ZNF519: variants seen among roughly 807,000 people sequenced by gnomAD.
ZNF519 encodes the protein zinc finger protein 519, also known as similar to Zinc finger protein 85 (Zinc finger protein HPF4) (HTF1).
A neutral mutation model predicts 7.4 loss-of-function variants in ZNF519; 7 were observed. That is an observed-to-expected ratio of 0.94 (90% CI 0.54 to 1.77). The LOEUF is 1.77. Ranked by LOEUF, ZNF519 falls within the 40% of genes most tolerant of loss-of-function variation. ZNF519 has a pLI of 0.00. For missense variants in ZNF519, 586 were observed against 623.1 expected (o/e 0.94, Z 0.63); for synonymous variants, 179 against 203.3 (o/e 0.88, Z 1.02).
At chr18:14,099,198 G>A (rs948344688), downstream of ZNF519, among the ~76,000 whole-genome samples, 1 of 151,660 alleles carries the variant, frequency 6.6e-6, no homozygotes, top group African/African-American at 2.4e-5. Context: ...AGCCTCCCCC[G>A]ACCTGCCTGG....
At chr18:14,122,871 C>G (rs555047968) in intron 2 of ZNF519, among the ~76,000 whole-genome samples, 45 of 151,666 alleles carry the variant, frequency 3.0e-4, no homozygotes, top group African/African-American at 1.0e-3. Context: ...TGTTGGTGTG[C>G]TGCACCCATT....
chr18:14,082,448 G>A (rs2046074130), intron 3 of ZNF519: 1 of 152,106 alleles, frequency 6.6e-6, no homozygotes, highest in South Asian at 2.1e-4. Context: ...ATAATTATGT[G>A]TAAATGGATT....
downstream of ZNF519, among the ~76,000 whole-genome samples, chr18:14,098,076 G>T (rs1053415593): frequency 1.3e-5 from 2 of 151,568 alleles, no homozygotes; most frequent in African/African-American, 4.9e-5. Flanking sequence ...CAACAGACCT[G>T]ACCCCTATGG....
chr18:14,101,675 C>T lies in ZNF519; in HGVS notation c.*3242G>A, dbSNP rs2143116765. 1 of 398,680 alleles carries T rather than the reference C, an allele frequency of 2.5e-6. No homozygotes were observed. The highest frequency in any genetic ancestry group is 6.3e-4 in the Middle Eastern group (1 of 1,586). The allele number at this position is 398,680 out of a possible 1,614,324, so 24.7% of individuals were successfully genotyped here. ...AGAGACCATCTCTACACCCACACCC[C>T]AATCGAGGCAGGAATGGCCATGACA... On this transcript the variant is annotated 3_prime_UTR_variant, in exon 3 of 3. Coordinates refer to ENST00000590202, the MANE Select transcript of ZNF519 (RefSeq NM_145287.4).
chr18:14,082,549 G>T (rs2046074569), intron 3 of ZNF519: 1 of 152,084 alleles, frequency 6.6e-6, no homozygotes, highest in South Asian at 2.1e-4. Flanking sequence ...AGACTGCTTT[G>T]CTCCTTTCTC....
At position 14,104,872 on chromosome 18, in the gene ZNF519, G is replaced by C; in HGVS notation, c.*45C>G. ...TTTTCTAATGTTGAGTAAGGTGTGA[G>C]CACCAGTTTAGGGTTTTAGCACATT... On this transcript the variant is annotated 3_prime_UTR_variant, in exon 3 of 3. Transcript: ENST00000590202. 1.4e-6 allele frequency: 2 copies of C among 1,477,122 alleles called. No individual in the cohort carries two copies. Among genetic ancestry groups the C allele is most frequent in the Non-Finnish European group, 9.0e-7 (1 of 1,111,514 alleles). 91.5% of individuals were successfully genotyped at this position (1,477,122 alleles called of 1,614,324 possible). A position where few individuals can be genotyped will look rare whatever the true frequency, so the allele number is the denominator to read the frequency against.
intron 3 of ZNF519, among the ~76,000 whole-genome samples, chr18:14,080,765 C>A (rs1457076682): frequency 6.6e-6 from 1 of 152,138 alleles, no homozygotes; most frequent in East Asian, 1.9e-4. Flanking sequence ...ACTGCCAAAG[C>A]TTGGAAGCAG....
At chr18:14,088,941 A>C (rs1315761364) in intron 2 of ZNF519, among the ~76,000 whole-genome samples, 1 of 151,622 alleles carries the variant, frequency 6.6e-6, no homozygotes, top group African/African-American at 2.4e-5. Context: ...TCTATATGTA[A>C]GATATGTTTT....
Position 14,104,769 on chromosome 18 carries a change from A to T in ZNF519, c.*148T>A. ...TAGCACCTTAGTTCTTTCTAAAGTGACACTTCTAATTTTTATTTAATCTTC... is the reference window on the plus strand; with the variant it reads ...TAGCACCTTAGTTCTTTCTAAAGTGTCACTTCTAATTTTTATTTAATCTTC... On this transcript the variant is annotated 3_prime_UTR_variant, in exon 3 of 3. Coordinates refer to ENST00000590202, the MANE Select transcript of ZNF519 (RefSeq NM_145287.4). 8.1e-6 allele frequency: 7 copies of T among 861,396 alleles called. No homozygotes were observed. The highest frequency in any genetic ancestry group is 1.2e-5 in the Non-Finnish European group (7 of 605,786). 53.4% of individuals were successfully genotyped at this position (861,396 alleles called of 1,614,324 possible).
chr18:14,127,748 G>A (rs1239342101), intron 1 of ZNF519, among the ~76,000 whole-genome samples: 1 of 152,040 alleles, frequency 6.6e-6, no homozygotes, highest in Non-Finnish European at 1.5e-5. Context: ...CTTGACTGCT[G>A]TCCTGAAAAG....
At chr18:14,118,635 A>G (rs1210311262) in intron 2 of ZNF519, among the ~76,000 whole-genome samples, 2 of 152,198 alleles carry the variant, frequency 1.3e-5, no homozygotes, top group African/African-American at 4.8e-5. Context: ...TGAAGAGCCC[A>G]TGGACATGGC....
chr18:14,108,536 T>A (rs1474480539), intron 2 of ZNF519, among the ~76,000 whole-genome samples: 1 of 151,612 alleles, frequency 6.6e-6, no homozygotes, highest in Non-Finnish European at 1.5e-5. Flanking sequence ...AAGGAGTAAA[T>A]CTTTATATAA....
chr18:14,118,669 G>A (rs773805429), intron 2 of ZNF519, among the ~76,000 whole-genome samples: 3 of 152,132 alleles, frequency 2.0e-5, no homozygotes, highest in Non-Finnish European at 2.9e-5. Context: ...ATGGCGCACC[G>A]AACTTGGTCT....
In ZNF519 at chr18:14,132,128, G is replaced by T. The variant is rs571270475; in HGVS notation, c.3+147C>A. The T allele has an allele frequency of 5.3e-4, 474 of 899,998 alleles. 2 individuals carry two copies. The African/African-American group carries it at 7.2e-3, about 14-fold the overall frequency. 55.8% of individuals were successfully genotyped at this position (899,998 alleles called of 1,614,324 possible). A position where few individuals can be genotyped will look rare whatever the true frequency, so the allele number is the denominator to read the frequency against. Reference sequence around the variant, plus strand: ...GGCCAAAGCCGCCGTGCAGGGACAGGACAGGACGCCCGGAGTCCCTGCACC... The same window carrying T: ...GGCCAAAGCCGCCGTGCAGGGACAGTACAGGACGCCCGGAGTCCCTGCACC... On this transcript the variant is annotated intron_variant, in intron 1 of 2. Transcript: ENST00000590202.
At chr18:14,086,064 C>T (rs922106521) in intron 2 of ZNF519, among the ~76,000 whole-genome samples, 1 of 152,204 alleles carries the variant, frequency 6.6e-6, no homozygotes, top group Non-Finnish European at 1.5e-5. Flanking sequence ...CTCACCATCC[C>T]TCTCTAAACC....
downstream of ZNF519, chr18:14,074,881 C>T (rs2143068707): frequency 6.6e-6 from 1 of 152,358 alleles, no homozygotes; most frequent in East Asian, 1.9e-4. Context: ...TCTACTGATA[C>T]CACTTTGCTG....
intron 1 of ZNF519, among the ~76,000 whole-genome samples, chr18:14,125,744 G>A (rs189360894): frequency 6.6e-6 from 1 of 151,998 alleles, no homozygotes; most frequent in East Asian, 1.9e-4. Flanking sequence ...GAGTGCAATG[G>A]TGCGATCTTG....
chr18:14,127,934 A>ACAAG (rs2046308877), intron 1 of ZNF519, among the ~76,000 whole-genome samples: 1 of 151,292 alleles, frequency 6.6e-6, no homozygotes, highest in Non-Finnish European at 1.5e-5. Flanking sequence ...TGTGTATAAC[A>ACAAG]TCTAGTAATG....
chr18:14,123,425 T>A (rs2046279700), intron 2 of ZNF519, among the ~76,000 whole-genome samples: 1 of 152,114 alleles, frequency 6.6e-6, no homozygotes, highest in Non-Finnish European at 1.5e-5. Flanking sequence ...GAATCAAAAA[T>A]AACTGGTACA....
Sources: gnomAD v4.1 joint callset for allele counts (sites outside exome capture counted in the v4.1 genomes callset) on GRCh38, gnomAD v4.1.1 for gene constraint, MANE v1.5 for transcripts, NCBI Gene and HGNC (gene_info 2026-07-23, HGNC 2026-07-21) for gene names.